DRD2: variants seen among roughly 807,000 people sequenced by gnomAD.
DRD2 encodes the protein dopamine receptor D2, also known as D(2) dopamine receptor.
In DRD2, 8 loss-of-function variants were observed where a neutral mutation model predicts 38.0. The ratio of observed to expected loss-of-function variants is 0.21; its 90% CI spans 0.12 to 0.38. The LOEUF (loss-of-function observed/expected upper bound fraction) is 0.38, where lower values mean the gene tolerates loss of function less well. Among genes scored for constraint, DRD2 ranks in the 10% least tolerant of loss-of-function variants. The probability of loss-of-function intolerance (pLI) is 1.00; values close to 1 mark genes in which losing one functional copy is unlikely to be tolerated. For synonymous variants in DRD2, 230 were observed against 238.6 expected (o/e 0.96, Z 0.33); for missense variants, 403 against 607.7 (o/e 0.66, Z 3.54).
At chr11:113,461,650 GGTAATTCACTTGGCCTACCGGA>G (rs1951320008) in intron 1 of DRD2, among the ~76,000 whole-genome samples, 1 of 152,116 alleles carries the variant, frequency 6.6e-6, no homozygotes, top group Non-Finnish European at 1.5e-5. Flanking sequence ...AAAGATCCTG[GGTAATTCACTTGGCCTACCGGA>G]GTTCAGTGTG....
intron 1 of DRD2, among the ~76,000 whole-genome samples, chr11:113,465,262 G>A (rs964013545): frequency 2.0e-5 from 3 of 152,104 alleles, no homozygotes; most frequent in Admixed American, 6.5e-5. Context: ...CACCACATCC[G>A]GCTAAGTTTT....
At chr11:113,420,543 C>T (rs1950875617) in intron 2 of DRD2, among the ~76,000 whole-genome samples, 1 of 152,170 alleles carries the variant, frequency 6.6e-6, no homozygotes, top group Non-Finnish European at 1.5e-5. Context: ...ACAAGAAGGG[C>T]TTGCTTATCC....
intron 1 of DRD2, among the ~76,000 whole-genome samples, chr11:113,429,375 G>A (rs1297521872): frequency 2.6e-5 from 4 of 152,134 alleles, no homozygotes; most frequent in African/African-American, 9.7e-5. Context: ...CTCCCGAGTA[G>A]CCAGGACTAC....
rs1950783306 is a variant in DRD2, at chr11:113,412,856, C to T, written c.838G>A (p.Glu280Lys). Residue 280 changes from glutamate to lysine, a missense_variant, in exon 7 of 8, where the codon GAG becomes AAG. Physicochemically the swap from Glu to Lys is moderately conservative, Grantham distance 56. This residue lies in a region of DRD2 where 166 missense variants were observed against 178.6 expected (regional missense o/e 0.93). Transcript: ENST00000362072. ...CTGGTGCTGGAGAGCATCTCCATCT[C>T]CAGCTCCTGGGCTCGCCGGGCAGCC... is the stretch of plus-strand genomic sequence containing the variant. ...VEAARRAQELEMEMLSSTSPP... is the reference protein window; with the variant it reads ...VEAARRAQELKMEMLSSTSPP... 5.6e-6 allele frequency: 9 copies of T among 1,612,590 alleles called. No homozygotes were observed. Among genetic ancestry groups the T allele is most frequent in the Non-Finnish European group, 7.6e-6 (9 of 1,179,850 alleles).
intron 1 of DRD2, among the ~76,000 whole-genome samples, chr11:113,474,769 G>T (rs1951463874): frequency 6.6e-6 from 1 of 152,102 alleles, no homozygotes; most frequent in Admixed American, 6.5e-5. Context: ...CCGCCGTGCT[G>T]CCCTGGGCGC....
intron 1 of DRD2, among the ~76,000 whole-genome samples, chr11:113,439,921 G>C (rs901430289): frequency 7.7e-6 from 1 of 129,350 alleles, no homozygotes; most frequent in African/African-American, 3.0e-5. Context: ...CAGGTTCATA[G>C]AGCCTATTGC....
chr11:113,475,388 G>C lies in DRD2; in HGVS notation c.-344C>G, dbSNP rs1372910287. The C allele has an allele frequency of 6.6e-6, 1 of 152,120 alleles. No homozygotes were observed. Among genetic ancestry groups the C allele is most frequent in the African/African-American group, 2.4e-5 (1 of 41,342 alleles). The allele number at this position is 152,120 out of a possible 1,614,324, so 9.4% of individuals were successfully genotyped here. On this transcript the variant is annotated 5_prime_UTR_variant, in exon 1 of 8. Coordinates refer to ENST00000362072, the MANE Select transcript of DRD2 (RefSeq NM_000795.4). ...GGCGCGGTGCGCGCGTGAGGCTGCC[G>C]GTTCGGCACTGAAGCTGGACAGCTC...
At chr11:113,448,636 G>A (rs1178167784) in intron 1 of DRD2, among the ~76,000 whole-genome samples, 1 of 152,228 alleles carries the variant, frequency 6.6e-6, no homozygotes, top group Non-Finnish European at 1.5e-5. Context: ...GTTGTTCACT[G>A]TCCTCATCCA....
rs1950759160 is a variant in DRD2, at chr11:113,410,580, A to G, written c.*147T>C. ...TGAGGGTGTGCGGGCAGTGAGGAGCATGGAGCCAAGCGAACACTGCAGGGC... is the reference window on the plus strand; with the variant it reads ...TGAGGGTGTGCGGGCAGTGAGGAGCGTGGAGCCAAGCGAACACTGCAGGGC... On this transcript the variant is annotated 3_prime_UTR_variant, in exon 8 of 8. Coordinates refer to ENST00000362072, the MANE Select transcript of DRD2 (RefSeq NM_000795.4). 1.0e-6 allele frequency: 1 copy of G among 1,004,068 alleles called. No individual in the cohort carries two copies. The highest frequency in any genetic ancestry group is 1.6e-6 in the Non-Finnish European group (1 of 642,828). 62.2% of individuals were successfully genotyped at this position (1,004,068 alleles called of 1,614,324 possible). A position where few individuals can be genotyped will look rare whatever the true frequency, so the allele number is the denominator to read the frequency against.
Position 113,418,019 on chromosome 11 carries a change from G to A in DRD2, c.395+8C>T. On this transcript the variant is annotated splice_region_variant and intron_variant, in intron 3 of 7. Transcript: ENST00000362072. ...CAGAGCAACCTCTTCCACCCTGGCT[G>A]GGCTCACCTGTCGATGCTGATGGCA... 1.9e-6 allele frequency: 3 copies of A among 1,613,022 alleles called. No homozygotes were observed.
At chr11:113,436,024 T>A (rs550222970) in intron 1 of DRD2, among the ~76,000 whole-genome samples, 1 of 152,314 alleles carries the variant, frequency 6.6e-6, no homozygotes, top group East Asian at 1.9e-4. Flanking sequence ...ACGATCACAC[T>A]GCTGGAAACC....
chr11:113,470,381 C>T (rs900846483), intron 1 of DRD2, among the ~76,000 whole-genome samples: 2 of 152,136 alleles, frequency 1.3e-5, no homozygotes, highest in Non-Finnish European at 2.9e-5. Flanking sequence ...CTGTGCTGAG[C>T]GACAGCTTCC....
At chr11:113,436,636 A>G (rs192497784) in intron 1 of DRD2, among the ~76,000 whole-genome samples, 8 of 152,322 alleles carry the variant, frequency 5.3e-5, no homozygotes, top group Admixed American at 4.6e-4. Context: ...AGAAGCATAG[A>G]TGGAAGAAAA....
intron 1 of DRD2, among the ~76,000 whole-genome samples, chr11:113,459,667 T>C (rs1172692188): frequency 1.3e-5 from 2 of 152,154 alleles, no homozygotes; most frequent in African/African-American, 4.8e-5. Context: ...GAGAGGTTGG[T>C]TAATAGATAC....
chr11:113,452,510 A>C (rs1209949818), intron 1 of DRD2, among the ~76,000 whole-genome samples: 1 of 150,234 alleles, frequency 6.7e-6, no homozygotes, highest in Non-Finnish European at 1.5e-5. Context: ...AGGAAATGAG[A>C]CACTGCTGAT....
chr11:113,474,499 T>G (rs943094625), intron 1 of DRD2: 1 of 152,072 alleles, frequency 6.6e-6, no homozygotes, highest in African/African-American at 2.4e-5. Context: ...AGAACGAAAG[T>G]TCAGGACCAA....
chr11:113,418,389 G>A (rs965562072), intron 2 of DRD2, among the ~76,000 whole-genome samples: 4 of 152,082 alleles, frequency 2.6e-5, no homozygotes, highest in Non-Finnish European at 4.4e-5. Flanking sequence ...CAACTTATAC[G>A]GAGGGCCTCA....
At chr11:113,418,200 CT>C in intron 2 of DRD2, 64 bp from the exon 3 acceptor site, 1 of 1,350,444 alleles carries the variant, frequency 7.4e-7, no homozygotes, top group African/African-American at 1.4e-5. Flanking sequence ...GTCCTGTAGC[CT>C]GGTACTCCTG....
At chr11:113,437,937 C>T (rs1350508723) in intron 1 of DRD2, among the ~76,000 whole-genome samples, 1 of 152,162 alleles carries the variant, frequency 6.6e-6, no homozygotes, top group Admixed American at 6.5e-5. Context: ...AGGCAGTCTC[C>T]TCATCCCGAC....
Sources: gnomAD v4.1 joint callset for allele counts (sites outside exome capture counted in the v4.1 genomes callset) on GRCh38, gnomAD v4.1.1 for gene constraint, gnomAD v4.1.1 regional missense constraint, MANE v1.5 for transcripts, NCBI Gene and HGNC (gene_info 2026-07-23, HGNC 2026-07-21) for gene names.